TAOK3: variants seen among roughly 807,000 people sequenced by gnomAD.
The protein encoded by TAOK3 is TAO kinase 3, also known as serine/threonine-protein kinase TAO3.
TAOK3 carries 40 observed loss-of-function variants against 120.4 expected under a neutral mutation model. The ratio of observed to expected loss-of-function variants is 0.33; its 90% CI spans 0.26 to 0.43. The LOEUF (loss-of-function observed/expected upper bound fraction) is 0.43. TAOK3 is among the 20% of genes least tolerant of loss of function. The pLI is 1.00. For synonymous variants in TAOK3, 355 were observed against 387.5 expected (o/e 0.92, Z 0.99); for missense variants, 821 against 1,112.1 (o/e 0.74, Z 3.72).
rs2045883960 is a variant in TAOK3 at position 118,371,309 on chromosome 12, C to A, written c.-194+1339G>T. Among the ~76,000 whole-genome samples the A allele has an allele frequency of 6.6e-6, 1 of 152,140 alleles. No individual in the cohort carries two copies. The highest frequency in any genetic ancestry group is 1.5e-5 in the Non-Finnish European group (1 of 68,020). On this transcript the variant is annotated intron_variant, in intron 1 of 20. Coordinates refer to ENST00000392533, the MANE Select transcript of TAOK3 (RefSeq NM_016281.4). This position sits in a 1 kb window ranked among gnomAD's most constrained non-coding sequence, Gnocchi z 5.5. ...AAGCCCCTTCCAACTTTTCACCTGACCTTTTCATTAAGATCAGGAAGCCCC... is the reference window on the plus strand; with the variant it reads ...AAGCCCCTTCCAACTTTTCACCTGAACTTTTCATTAAGATCAGGAAGCCCC...
chr12:118,199,492 AT>A, intron 12 of TAOK3: 1 of 552,310 alleles, frequency 1.8e-6, no homozygotes, highest in Non-Finnish European at 3.3e-6. Flanking sequence ...AAGGCTCCAA[AT>A]GCTGCCATCC....
intron 14 of TAOK3, among the ~76,000 whole-genome samples, chr12:118,182,370 C>G (rs1210434355): frequency 6.6e-6 from 1 of 151,866 alleles, no homozygotes; most frequent in African/African-American, 2.4e-5. Flanking sequence ...TTCTCACCAA[C>G]ACTACTGACA....
In TAOK3 at chr12:118,305,297, G is replaced by A. The variant is rs369357030; in HGVS notation, c.-193-38538C>T. Reference sequence around the variant, plus strand: ...GGAGTTCAAGACCAGCCTGATCAACGTGGTGAAACCCTGTCTCTACTAAAA... The same window carrying A: ...GGAGTTCAAGACCAGCCTGATCAACATGGTGAAACCCTGTCTCTACTAAAA... On this transcript the variant is annotated intron_variant, in intron 1 of 20. Coordinates refer to ENST00000392533, the MANE Select transcript of TAOK3 (RefSeq NM_016281.4). 1.9e-4 allele frequency among the ~76,000 whole-genome samples: 29 copies of A among 151,950 alleles called. No homozygotes were observed. In the South Asian group the frequency reaches 3.9e-3, roughly 21 times the overall value.
chr12:118,268,857 A>G (rs971967329), intron 1 of TAOK3, among the ~76,000 whole-genome samples: 4 of 151,898 alleles, frequency 2.6e-5, no homozygotes, highest in African/African-American at 9.7e-5. Flanking sequence ...AAAAATACAA[A>G]ATTAGCCGGG....
chr12:118,266,158 A>T (rs1157260786), intron 2 of TAOK3, among the ~76,000 whole-genome samples: 66 of 152,188 alleles, frequency 4.3e-4, no homozygotes, highest in Non-Finnish European at 2.8e-4. Flanking sequence ...AAGAAAAAAA[A>T]TTTTAGGAAA....
At chr12:118,214,175 A>G (rs1271311343) in intron 9 of TAOK3, 65 bp from the exon 10 acceptor site, 1 of 1,272,670 alleles carries the variant, frequency 7.9e-7, no homozygotes, top group African/African-American at 1.5e-5. Context: ...GAGAAATAAG[A>G]AACTATGAGC....
At chr12:118,250,931 G>A (rs751883296) in intron 3 of TAOK3, among the ~76,000 whole-genome samples, 2 of 152,110 alleles carry the variant, frequency 1.3e-5, no homozygotes, top group African/African-American at 2.4e-5. Flanking sequence ...AACAGTTTAC[G>A]CAAGATTCCA....
intron 4 of TAOK3, 29 bp downstream of exon 4, chr12:118,244,865 G>A (rs1323427527): frequency 1.3e-6 from 2 of 1,527,490 alleles, no homozygotes; most frequent in African/African-American, 2.7e-5. Flanking sequence ...GTTTATTTCA[G>A]TTTAGGTATA....
At chr12:118,335,466 G>A (rs1287515750) in intron 1 of TAOK3, among the ~76,000 whole-genome samples, 1 of 152,100 alleles carries the variant, frequency 6.6e-6, no homozygotes. Flanking sequence ...CCTTTGTAAT[G>A]AAAAGCCTCC....
intron 11 of TAOK3, among the ~76,000 whole-genome samples, chr12:118,208,859 A>G (rs904649321): frequency 5.3e-5 from 8 of 151,992 alleles, no homozygotes; most frequent in African/African-American, 1.9e-4. Context: ...TTATCGACGC[A>G]TGCCACCATG....
chr12:118,154,156 A>G (rs1478286882), intron 19 of TAOK3, among the ~76,000 whole-genome samples: 1 of 152,206 alleles, frequency 6.6e-6, no homozygotes, highest in African/African-American at 2.4e-5. Flanking sequence ...AAAGGCAGTG[A>G]AAGTCCTGTT....
intron 1 of TAOK3, among the ~76,000 whole-genome samples, chr12:118,278,409 C>A (rs7136639): frequency 0.019 from 2,876 of 152,198 alleles, 45 homozygotes; most frequent in Non-Finnish European, 0.032. Flanking sequence ...GTTTTCTGTT[C>A]CTGTGTTAGT....
At chr12:118,296,549 T>C (rs1475797718) in intron 1 of TAOK3, among the ~76,000 whole-genome samples, 1 of 152,236 alleles carries the variant, frequency 6.6e-6, no homozygotes, top group African/African-American at 2.4e-5. Context: ...GTCACTTCTC[T>C]TTAATTAAAT....
intron 1 of TAOK3, among the ~76,000 whole-genome samples, chr12:118,272,000 A>G (rs536814746): frequency 2.6e-5 from 4 of 152,348 alleles, no homozygotes; most frequent in Admixed American, 6.5e-5. Context: ...AAACAATCCA[A>G]CTAGCACGGA....
In TAOK3 at chr12:118,296,502, G is replaced by A. The variant is rs191415320; in HGVS notation, c.-193-29743C>T. Among the ~76,000 whole-genome samples, 197 of 152,176 alleles carry A rather than the reference G, an allele frequency of 1.3e-3. 3 individuals are homozygous for A. Among genetic ancestry groups the A allele is most frequent in the Non-Finnish European group, 2.6e-4 (18 of 68,002 alleles). Reference sequence around the variant, plus strand: ...TGAATTATTCTTATAACTTCTATAAGTTTCGGGAAAAAAGAATGGGACGGG... The same window carrying A: ...TGAATTATTCTTATAACTTCTATAAATTTCGGGAAAAAAGAATGGGACGGG... On this transcript the variant is annotated intron_variant, in intron 1 of 20. Transcript: ENST00000392533.
At chr12:118,164,122 A>G (rs548960341) in intron 17 of TAOK3, among the ~76,000 whole-genome samples, 1 of 151,650 alleles carries the variant, frequency 6.6e-6, no homozygotes, top group South Asian at 2.1e-4. Context: ...GGAGATCGAG[A>G]CCATCCTGGC....
intron 1 of TAOK3, among the ~76,000 whole-genome samples, chr12:118,274,692 C>T (rs908936838): frequency 2.0e-5 from 3 of 152,076 alleles, no homozygotes; most frequent in Admixed American, 2.0e-4. Context: ...ACAGTGACAC[C>T]ATCTCAGCTC....
chr12:118,180,467 G>A (rs1211208337), intron 15 of TAOK3, among the ~76,000 whole-genome samples: 3 of 149,364 alleles, frequency 2.0e-5, no homozygotes, highest in East Asian at 4.0e-4. Flanking sequence ...TCTTGAACTC[G>A]TGGGCTCAAG....
At chr12:118,177,485 A>C (rs1247226107) in intron 15 of TAOK3, among the ~76,000 whole-genome samples, 156 bp from the exon 16 acceptor site, 2 of 150,322 alleles carry the variant, frequency 1.3e-5, no homozygotes, top group East Asian at 2.0e-4. Flanking sequence ...ATTTTCTTGT[A>C]TCTTAAAGAA....
Sources: allele counts gnomAD v4.1 joint callset (sites outside exome capture counted in the v4.1 genomes callset), GRCh38; gene constraint gnomAD v4.1.1; non-coding constraint Gnocchi (gnomAD v3.1); transcripts MANE v1.5; gene names NCBI Gene and HGNC (gene_info 2026-07-23, HGNC 2026-07-21).